SNX14: variants seen among roughly 807,000 people sequenced by gnomAD.
SNX14 encodes sorting nexin 14.
A neutral mutation model predicts 133.8 loss-of-function variants in SNX14; 93 were observed. That is an observed-to-expected ratio of 0.70 (90% CI 0.59 to 0.83). SNX14 has a LOEUF of 0.83. Among genes scored for constraint, SNX14 ranks in the 40% least tolerant of loss-of-function variants. The pLI is 0.00. For missense variants in SNX14, 945 were observed against 1,094.9 expected (o/e 0.86, Z 1.93); for synonymous variants, 368 against 365.6 (o/e 1.01, Z -0.07).
intron 1 of SNX14, among the ~76,000 whole-genome samples, chr6:85,591,220 CTGTGTG>C (rs5877943): frequency 8.0e-5 from 12 of 150,426 alleles, no homozygotes; most frequent in Non-Finnish European, 1.5e-4. Flanking sequence ...CTCTTATCAT[CTGTGTG>C]TGTGTGTGTG....
In SNX14 at chr6:85,593,760, A is replaced by AGAGGTC. The variant is rs1803792519; in HGVS notation, c.-48_-43dup. ...CCGAGACTGCGCTACTGGCTGAGGCAGAGGTCAAGGCGACCCCCCATCCAC... is the reference window on the plus strand; with the variant it reads ...CCGAGACTGCGCTACTGGCTGAGGCAGAGGTCGAGGTCAAGGCGACCCCCCATCCAC... On this transcript the variant is annotated 5_prime_UTR_variant, in exon 1 of 29. Transcript: ENST00000314673. 1 of 1,610,062 alleles carries AGAGGTC rather than the reference A, an allele frequency of 6.2e-7. No individual in the cohort carries two copies. Among genetic ancestry groups the AGAGGTC allele is most frequent in the Admixed American group, 1.7e-5 (1 of 59,800 alleles).
At chr6:85,535,028 CTTTTTTT>C (rs35936403) in intron 17 of SNX14, among the ~76,000 whole-genome samples, 1 of 124,140 alleles carries the variant, frequency 8.1e-6, no homozygotes, top group Admixed American at 8.3e-5. Flanking sequence ...TCTATCCATA[CTTTTTTT>C]TTTTTTTTTT....
chr6:85,591,914 G>A (rs1313258425), intron 1 of SNX14, among the ~76,000 whole-genome samples: 4 of 152,110 alleles, frequency 2.6e-5, no homozygotes, highest in Non-Finnish European at 5.9e-5. Context: ...TCTGCAGGCT[G>A]AGGCATGAGA....
intron 6 of SNX14, among the ~76,000 whole-genome samples, chr6:85,563,933 C>T (rs1792799635): frequency 6.6e-6 from 1 of 152,094 alleles, no homozygotes; most frequent in African/African-American, 2.4e-5. Context: ...TCCCCCACCC[C>T]ATGACAGGTC....
chr6:85,572,397 G>C (rs756521924), intron 2 of SNX14, 23 bp from the exon 3 acceptor site: 11 of 1,549,952 alleles, frequency 7.1e-6, no homozygotes, highest in East Asian at 6.7e-5. Flanking sequence ...AATGAGAGGT[G>C]GTGGGGAGAT....
Position 85,593,436 on chromosome 6 carries a change from G to T in SNX14, c.140+143C>A, listed in dbSNP as rs1803559258. On this transcript the variant is annotated intron_variant, in intron 1 of 28. Transcript: ENST00000314673. ...GCCTCGACGCTCCGCCGTGCTCCCC[G>T]AGGCCGCTCCTCTGCGGAGCTCGCT... 5 of 1,308,338 alleles carry T rather than the reference G, an allele frequency of 3.8e-6. No individual in the cohort carries two copies. In the South Asian group the frequency reaches 6.5e-5, roughly 17 times the overall value. The allele number at this position is 1,308,338 out of a possible 1,614,324, so 81.0% of individuals were successfully genotyped here.
At chr6:85,567,452 C>T (rs1172463446) in intron 5 of SNX14, 82 bp downstream of exon 5, 1 of 1,019,924 alleles carries the variant, frequency 9.8e-7, no homozygotes, top group Non-Finnish European at 1.4e-6. Flanking sequence ...TCCTGGTCTA[C>T]ATGAAAAACA....
At chr6:85,550,177 A>G (rs546307313) in intron 7 of SNX14, among the ~76,000 whole-genome samples, 1 of 152,318 alleles carries the variant, frequency 6.6e-6, no homozygotes, top group Admixed American at 6.5e-5. Flanking sequence ...CAGGAGGCGG[A>G]GGTTGCAAGG....
At chr6:85,579,954 T>A (rs1798532325) in intron 1 of SNX14, among the ~76,000 whole-genome samples, 1 of 152,162 alleles carries the variant, frequency 6.6e-6, no homozygotes, top group Non-Finnish European at 1.5e-5. Context: ...GAGCCTTCTA[T>A]CTGGCGATCT....
intron 17 of SNX14, among the ~76,000 whole-genome samples, chr6:85,534,098 A>G (rs1189181565): frequency 6.6e-6 from 1 of 152,204 alleles, no homozygotes; most frequent in Non-Finnish European, 1.5e-5. Context: ...GCTTGGGCCC[A>G]GGAGTTTGAG....
At chr6:85,569,338 CTAAA>C (rs1342741024) in intron 4 of SNX14, among the ~76,000 whole-genome samples, 2 of 152,200 alleles carry the variant, frequency 1.3e-5, no homozygotes, top group Non-Finnish European at 2.9e-5. Flanking sequence ...CCCTTCCATC[CTAAA>C]TAGAGTTGCC....
intron 18 of SNX14, 67 bp downstream of exon 18, chr6:85,533,532 T>A (rs879368181): frequency 4.1e-6 from 6 of 1,475,318 alleles, no homozygotes; most frequent in Non-Finnish European, 5.5e-6. Context: ...AAAATGTTTA[T>A]CATACCTGAT....
intron 1 of SNX14, among the ~76,000 whole-genome samples, chr6:85,574,651 A>G (rs1190828349): frequency 3.3e-5 from 5 of 152,256 alleles, no homozygotes; most frequent in Non-Finnish European, 7.3e-5. Flanking sequence ...ACATTCTTCC[A>G]GAATACCTTC....
At position 85,533,869 on chromosome 6, in the gene SNX14, A is replaced by G. The variant is rs570652728; in HGVS notation, c.1609-69T>C. The G allele has an allele frequency of 4.5e-5, 56 of 1,231,616 alleles. No individual in the cohort carries two copies. In the East Asian group the frequency reaches 1.2e-3, roughly 26 times the overall value. The allele number at this position is 1,231,616 out of a possible 1,614,324, so 76.3% of individuals were successfully genotyped here. A position where few individuals can be genotyped will look rare whatever the true frequency, so the allele number is the denominator to read the frequency against. On this transcript the variant is annotated intron_variant, in intron 17 of 28. Coordinates refer to ENST00000314673, the MANE Select transcript of SNX14 (RefSeq NM_153816.6). Reference sequence around the variant, plus strand: ...TTAGAACTACAGCATATGAGATACAAGTATAAAGTAATATGCCCATATCAA... The same window carrying G: ...TTAGAACTACAGCATATGAGATACAGGTATAAAGTAATATGCCCATATCAA...
intron 1 of SNX14, among the ~76,000 whole-genome samples, chr6:85,578,443 G>A (rs562361326): frequency 1.3e-5 from 2 of 152,042 alleles, no homozygotes; most frequent in Non-Finnish European, 2.9e-5. Flanking sequence ...AAGGGAAGAG[G>A]GGGGTATCCT....
intron 14 of SNX14, 94 bp from the exon 15 acceptor site, chr6:85,542,137 A>G: frequency 3.7e-6 from 3 of 803,082 alleles, no homozygotes; most frequent in Non-Finnish European, 5.5e-6. Flanking sequence ...TTTTGGGAAA[A>G]AAAAAAAGCT....
At chr6:85,579,183 C>CAAGGAT (rs1292177815) in intron 1 of SNX14, among the ~76,000 whole-genome samples, 1 of 151,962 alleles carries the variant, frequency 6.6e-6, no homozygotes, top group Admixed American at 6.6e-5. Context: ...GCCACATACC[C>CAAGGAT]AAGGATGGCC....
chr6:85,585,058 A>T (rs1800256742), intron 1 of SNX14, among the ~76,000 whole-genome samples: 2 of 152,222 alleles, frequency 1.3e-5, no homozygotes. Context: ...GGCAGCCATA[A>T]AAAAGGATGA....
At chr6:85,576,116 T>G (rs896458313) in intron 1 of SNX14, among the ~76,000 whole-genome samples, 4 of 152,168 alleles carry the variant, frequency 2.6e-5, no homozygotes, top group African/African-American at 9.6e-5. Flanking sequence ...AATTTTCCCA[T>G]TGACTGAAAC....
Sources: allele counts gnomAD v4.1 joint callset (sites outside exome capture counted in the v4.1 genomes callset), GRCh38; gene constraint gnomAD v4.1.1; transcripts MANE v1.5; gene names NCBI Gene and HGNC (gene_info 2026-07-23, HGNC 2026-07-21).